Variants in NT5C1A observed in about 807,000 individuals in gnomAD.
NT5C1A encodes the protein 5'-nucleotidase, cytosolic IA, also known as cytosolic 5'-nucleotidase 1A.
In NT5C1A, 18 loss-of-function variants were observed where a neutral mutation model predicts 31.0. The ratio of observed to expected loss-of-function variants is 0.58; its 90% CI spans 0.40 to 0.86. The LOEUF (loss-of-function observed/expected upper bound fraction) is 0.86, where lower values mean the gene tolerates loss of function less well. Among genes scored for constraint, NT5C1A ranks in the 40% least tolerant of loss-of-function variants. NT5C1A has a pLI of 0.00. For missense variants in NT5C1A, 470 were observed against 505.4 expected, an observed-to-expected ratio of 0.93 and a Z score of 0.67; for synonymous variants, 185 against 203.6, an observed-to-expected ratio of 0.91 and a Z score of 0.78.
chr1:39,663,680 A>G lies in NT5C1A; in HGVS notation c.434-246T>C, dbSNP rs559565468. Among the ~76,000 whole-genome samples, 3 of 142,096 alleles carry G rather than the reference A, an allele frequency of 2.1e-5. 1 individual carries two copies. The Admixed American group carries it at 2.1e-4, about 10-fold the overall frequency. The allele number at this position is 142,096 out of a possible 152,430, so 93.2% of individuals were successfully genotyped here. On this transcript the variant is annotated intron_variant, in intron 3 of 5. Coordinates refer to ENST00000235628, the MANE Select transcript of NT5C1A (RefSeq NM_032526.3). ...CCTCTTGTCAAGGAATCACAGTGCT[A>G]CATGCCTGTGTGACCCCGCCTCCTG...
chr1:39,652,892 CA>C lies in NT5C1A; in HGVS notation c.*6228del, dbSNP rs1371636863. ...GGCAGGAATCTTTGCCTAGGTTGGG[CA>C]GGGCTGGTAGTGGGGAGGGAAGGCA... On this transcript the variant is annotated 3_prime_UTR_variant, in exon 6 of 6. Transcript: ENST00000235628. Among the ~76,000 whole-genome samples the C allele has an allele frequency of 6.6e-6, 1 of 151,870 alleles. No individual in the cohort carries two copies. Among genetic ancestry groups the C allele is most frequent in the Non-Finnish European group, 1.5e-5 (1 of 67,982 alleles).
chr1:39,664,490 C>CCCGTCTCGT, intron 3 of NT5C1A, among the ~76,000 whole-genome samples: 1 of 2,900 alleles, frequency 3.4e-4, no homozygotes, highest in East Asian at 7.8e-3. Context: ...GTGGATTTCT[C>CCCGTCTCGT]CTCCTCTCCT....
rs188418676 is a variant in NT5C1A, at chr1:39,654,321, G to A, written c.*4800C>T. ...GTCCTCACGGGACCCTCTTCACGAC[G>A]GACTTGTTCTTGCTTTCACAGAAAG... On this transcript the variant is annotated 3_prime_UTR_variant, in exon 6 of 6. Coordinates refer to ENST00000235628, the MANE Select transcript of NT5C1A (RefSeq NM_032526.3). 2.0e-5 allele frequency among the ~76,000 whole-genome samples: 3 copies of A among 152,312 alleles called. No homozygotes were observed. The highest frequency in any genetic ancestry group is 6.5e-5 in the Admixed American group (1 of 15,300).
chr1:39,666,652 T>TA (rs1356119441), intron 1 of NT5C1A, among the ~76,000 whole-genome samples: 1 of 152,184 alleles, frequency 6.6e-6, no homozygotes, highest in Admixed American at 6.5e-5. Context: ...ACAATTTATA[T>TA]AAAAAATGTA....
At position 39,661,461 on chromosome 1, in the gene NT5C1A, G is replaced by A. The variant is rs547287031; in HGVS notation, c.557-198C>T. On this transcript the variant is annotated intron_variant, in intron 4 of 5. Coordinates refer to ENST00000235628, the MANE Select transcript of NT5C1A (RefSeq NM_032526.3). ...GAGGGCAGTAGCAGTGGCTCTGAAG[G>A]AGATCTCTAGGGCCCTTGCCTTGCC... is the stretch of plus-strand genomic sequence containing the variant. Among the ~76,000 whole-genome samples the A allele has an allele frequency of 2.6e-5, 4 of 152,344 alleles. No homozygotes were observed. The East Asian group carries it at 7.7e-4, about 29-fold the overall frequency.
intron 4 of NT5C1A, among the ~76,000 whole-genome samples, chr1:39,663,067 G>A (rs1646499927): frequency 6.6e-6 from 1 of 152,238 alleles, no homozygotes; most frequent in South Asian, 2.1e-4. Context: ...CAGAAGGCTG[G>A]GTGATGCTGA....
chr1:39,666,556 G>A (rs1403778354), intron 1 of NT5C1A, among the ~76,000 whole-genome samples: 1 of 152,244 alleles, frequency 6.6e-6, no homozygotes, highest in Admixed American at 6.5e-5. Context: ...GCCAACGTGT[G>A]ACTGATGCTG....
rs1010327268 is a variant in NT5C1A at position 39,654,482 on chromosome 1, G to A, written c.*4639C>T. On this transcript the variant is annotated 3_prime_UTR_variant, in exon 6 of 6. Coordinates refer to ENST00000235628, the MANE Select transcript of NT5C1A (RefSeq NM_032526.3). ...CCTAAGAGGCCCCATGAGGAAATGA[G>A]TCGGGAATACAAAGCCATGCTGGAC... Among the ~76,000 whole-genome samples, 1 of 152,206 alleles carries A rather than the reference G, an allele frequency of 6.6e-6. No homozygotes were observed. Among genetic ancestry groups the A allele is most frequent in the Admixed American group, 6.5e-5 (1 of 15,284 alleles).
Position 39,655,952 on chromosome 1 carries a change from CT to C in NT5C1A, c.*3168del, listed in dbSNP as rs1212928192. Reference sequence around the variant, plus strand: ...ATGCCAAATCCATCTTGGCTTTGAACTTCTTGCTAGTTTCTATTTTTTTCTG... The same window carrying C: ...ATGCCAAATCCATCTTGGCTTTGAACTCTTGCTAGTTTCTATTTTTTTCTG... On this transcript the variant is annotated 3_prime_UTR_variant, in exon 6 of 6. Coordinates refer to ENST00000235628, the MANE Select transcript of NT5C1A (RefSeq NM_032526.3). 2.0e-5 allele frequency among the ~76,000 whole-genome samples: 3 copies of C among 152,148 alleles called. No individual in the cohort carries two copies. Among genetic ancestry groups the C allele is most frequent in the Admixed American group, 6.5e-5 (1 of 15,270 alleles).
chr1:39,666,018 C>T (rs1346146109), intron 2 of NT5C1A, 51 bp downstream of exon 2: 2 of 1,549,136 alleles, frequency 1.3e-6, no homozygotes, highest in African/African-American at 1.4e-5. Flanking sequence ...GTGCTTTTTT[C>T]TAATCCCCAC....
intron 3 of NT5C1A, among the ~76,000 whole-genome samples, chr1:39,664,136 G>A (rs895342445): frequency 1.3e-5 from 2 of 151,970 alleles, no homozygotes; most frequent in Admixed American, 6.6e-5. Context: ...ATAAATATAG[G>A]TGTATTCTTT....
At chr1:39,670,755 G>A (rs948757985) in intron 1 of NT5C1A, among the ~76,000 whole-genome samples, 4 of 152,152 alleles carry the variant, frequency 2.6e-5, no homozygotes, top group Non-Finnish European at 5.9e-5. Context: ...ACATCTGCAT[G>A]ACTTTTGCCT....
rs1553485419 is a variant in NT5C1A at position 39,664,490 on chromosome 1, C to CCCTCTCCTCTCCTCTCCT, written c.433+1030_433+1031insAGGAGAGGAGAGGAGAGG. The stretch of plus-strand genomic sequence containing the variant: ...CTCTCTCTCCCCAGAGTGGATTTCT[C>CCCTCTCCTCTCCTCTCCT]CTCCTCTCCTCTCCTCTCCTCTCCT... On this transcript the variant is annotated intron_variant, in intron 3 of 5. Transcript: ENST00000235628. 3.1e-3 allele frequency among the ~76,000 whole-genome samples: 9 copies of CCCTCTCCTCTCCTCTCCT among 2,894 alleles called. 1 individual carries two copies. Among genetic ancestry groups the CCCTCTCCTCTCCTCTCCT allele is most frequent in the Non-Finnish European group, 3.7e-3 (6 of 1,642 alleles). The allele number at this position is 2,894 out of a possible 152,430, so 1.9% of individuals were successfully genotyped here.
chr1:39,654,369 C>T lies in NT5C1A; in HGVS notation c.*4752G>A, dbSNP rs920474206. Among the ~76,000 whole-genome samples the T allele has an allele frequency of 2.0e-5, 3 of 152,142 alleles. No individual in the cohort carries two copies. Among genetic ancestry groups the T allele is most frequent in the Admixed American group, 6.6e-5 (1 of 15,254 alleles). On this transcript the variant is annotated 3_prime_UTR_variant, in exon 6 of 6. Coordinates refer to ENST00000235628, the MANE Select transcript of NT5C1A (RefSeq NM_032526.3). ...AAGTACATGGATGACCTTGTTGGCT[C>T]GGAGCTGCTGAAATCAACACTGGGC...
intron 3 of NT5C1A, among the ~76,000 whole-genome samples, chr1:39,664,138 G>A (rs1280852387): frequency 6.6e-6 from 1 of 151,998 alleles, no homozygotes; most frequent in East Asian, 1.9e-4. Context: ...AAATATAGGT[G>A]TATTCTTTTT....
chr1:39,669,522 G>A (rs1646539366), intron 1 of NT5C1A, among the ~76,000 whole-genome samples: 1 of 152,186 alleles, frequency 6.6e-6, no homozygotes, highest in South Asian at 2.1e-4. Flanking sequence ...TGGGGCCCAT[G>A]AGGCCTAGAG....
chr1:39,657,806 C>G lies in NT5C1A; in HGVS notation c.*1315G>C, dbSNP rs1646471358. On this transcript the variant is annotated 3_prime_UTR_variant, in exon 6 of 6. Transcript: ENST00000235628. Reference sequence around the variant, plus strand: ...TCATTACCTCCAAAGGCAGCTCTGACTGGCTTTCCACTAACAATCCCATAG... The same window carrying G: ...TCATTACCTCCAAAGGCAGCTCTGAGTGGCTTTCCACTAACAATCCCATAG... Among the ~76,000 whole-genome samples the G allele has an allele frequency of 1.3e-5, 2 of 152,242 alleles. No homozygotes were observed. Among genetic ancestry groups the G allele is most frequent in the Non-Finnish European group, 2.9e-5 (2 of 68,036 alleles).
intron 1 of NT5C1A, 121 bp downstream of exon 1, chr1:39,671,783 G>A (rs1194464317): frequency 2.5e-6 from 3 of 1,202,812 alleles, no homozygotes; most frequent in Non-Finnish European, 2.3e-6. Context: ...GGCGCATTCT[G>A]GGGCTGAGGA....
chr1:39,657,438 A>T lies in NT5C1A; in HGVS notation c.*1683T>A, dbSNP rs1646469625. Among the ~76,000 whole-genome samples the T allele has an allele frequency of 6.6e-6, 1 of 152,136 alleles. No homozygotes were observed. The highest frequency in any genetic ancestry group is 1.5e-5 in the Non-Finnish European group (1 of 68,018). On this transcript the variant is annotated 3_prime_UTR_variant, in exon 6 of 6. Transcript: ENST00000235628. ...CCCTATTTCCTACCACCACATCTCC[A>T]GGCTTCTGCCCCTCTCATGATACTT...
Sources: gnomAD v4.1 joint callset for allele counts (sites outside exome capture counted in the v4.1 genomes callset) on GRCh38, gnomAD v4.1.1 for gene constraint, MANE v1.5 for transcripts, NCBI Gene and HGNC (gene_info 2026-07-23, HGNC 2026-07-21) for gene names.